Variants in UTS2 observed in about 807,000 individuals in gnomAD.
The protein encoded by UTS2 is urotensin 2.
In UTS2, 10 loss-of-function variants were observed where a neutral mutation model predicts 12.6. The observed-to-expected ratio is 0.80, with a 90% CI of 0.49 to 1.35. The LOEUF is 1.35. Among genes scored for constraint, UTS2 ranks in the 40% most tolerant of loss-of-function variants. The pLI, the probability that UTS2 is intolerant of heterozygous loss-of-function variation, is 0.00. For synonymous variants in UTS2, 52 were observed against 50.0 expected (o/e 1.04, Z -0.17); for missense variants, 142 against 143.2 (o/e 0.99, Z 0.04).
chr1:7,887,148 G>T, the UTS2 span, among the ~76,000 whole-genome samples: 1 of 151,138 alleles, frequency 6.6e-6, no homozygotes, highest in South Asian at 2.1e-4. Context: ...CTACCAAGTG[G>T]CATGTGGGGG....
At chr1:7,885,770 G>A in the UTS2 span, among the ~76,000 whole-genome samples, 28 of 151,976 alleles carry the variant, frequency 1.8e-4, no homozygotes, top group Non-Finnish European at 4.0e-4. Context: ...AGAGGGCGTG[G>A]TCAAGTCTGG....
the UTS2 span, among the ~76,000 whole-genome samples, chr1:7,887,595 A>C: frequency 1.2e-5 from 1 of 86,204 alleles, no homozygotes; most frequent in African/African-American, 4.5e-5. Context: ...GTCTCTACAA[A>C]AAAAAAAAAA....
chr1:7,860,078 C>T, the UTS2 span, among the ~76,000 whole-genome samples: 1 of 152,144 alleles, frequency 6.6e-6, no homozygotes, highest in African/African-American at 2.4e-5. Flanking sequence ...GTTATTCTCT[C>T]ACTCATTCAA....
the UTS2 span, among the ~76,000 whole-genome samples, chr1:7,908,045 A>T: frequency 6.6e-6 from 1 of 151,436 alleles, no homozygotes; most frequent in African/African-American, 2.4e-5. Flanking sequence ...TCATGCTGTA[A>T]TCCCAGCATT....
chr1:7,900,961 C>G, the UTS2 span, among the ~76,000 whole-genome samples: 1 of 152,158 alleles, frequency 6.6e-6, no homozygotes, highest in African/African-American at 2.4e-5. Context: ...TTTAAGAGAA[C>G]TTACCTGGAA....
At chr1:7,850,294 C>T (rs1304625855) in intron 2 of UTS2, among the ~76,000 whole-genome samples, 1 of 152,088 alleles carries the variant, frequency 6.6e-6, no homozygotes, top group African/African-American at 2.4e-5. Flanking sequence ...GTTTCCAGAA[C>T]TTCCTGAGCA....
At chr1:7,906,449 G>GAGAAAGAGAGAAAGAAAGAA in the UTS2 span, among the ~76,000 whole-genome samples, 3 of 73,226 alleles carry the variant, frequency 4.1e-5, no homozygotes, top group East Asian at 1.2e-3. Context: ...GAAAGAAAAA[G>GAGAAAGAGAGAAAGAAAGAA]AGAAAGAAAG....
chr1:7,876,952 A>G, the UTS2 span, among the ~76,000 whole-genome samples: 1 of 151,872 alleles, frequency 6.6e-6, no homozygotes, highest in Non-Finnish European at 1.5e-5. Context: ...CAACATGGTG[A>G]AACTCTGTCT....
chr1:7,887,518 G>A, the UTS2 span, among the ~76,000 whole-genome samples: 894 of 150,296 alleles, frequency 5.9e-3, 12 homozygotes, highest in African/African-American at 0.021. Flanking sequence ...CTAGCCTTTC[G>A]GAGGCTGAGG....
the UTS2 span, among the ~76,000 whole-genome samples, chr1:7,863,205 G>A: frequency 7.9e-5 from 12 of 151,750 alleles, no homozygotes; most frequent in Admixed American, 4.0e-4. Flanking sequence ...TCCGCCTCCC[G>A]GGTTCAAGTG....
At chr1:7,850,276 T>C (rs1378443615) in intron 2 of UTS2, among the ~76,000 whole-genome samples, 2 of 152,180 alleles carry the variant, frequency 1.3e-5, no homozygotes, top group East Asian at 1.9e-4. Flanking sequence ...AGCAAAAGGC[T>C]CAATTTTGTT....
the UTS2 span, among the ~76,000 whole-genome samples, chr1:7,884,359 C>T: frequency 6.8e-6 from 1 of 147,460 alleles, no homozygotes; most frequent in African/African-American, 2.5e-5. Flanking sequence ...TGGAGTGCAG[C>T]GGTGTGATCA....
chr1:7,911,251 T>C, the UTS2 span, among the ~76,000 whole-genome samples: 6 of 152,154 alleles, frequency 3.9e-5, no homozygotes, highest in African/African-American at 7.2e-5. Context: ...GTGATCATAA[T>C]TGCACTGAAT....
intron 3 of UTS2, 30 bp downstream of exon 3, chr1:7,849,610 T>C: frequency 6.3e-7 from 1 of 1,586,810 alleles, no homozygotes; most frequent in Non-Finnish European, 8.6e-7. Context: ...TTCACCTTTT[T>C]AAACCTAACT....
At chr1:7,884,476 AT>A in the UTS2 span, among the ~76,000 whole-genome samples, 3 of 150,130 alleles carry the variant, frequency 2.0e-5, no homozygotes, top group East Asian at 2.0e-4. Context: ...TAATTTTTGC[AT>A]TTTTTTTTAA....
chr1:7,899,267 G>A, the UTS2 span, among the ~76,000 whole-genome samples: 4 of 152,240 alleles, frequency 2.6e-5, no homozygotes, highest in South Asian at 8.3e-4. Context: ...TCAGAGAGCA[G>A]TCAAGGCAAT....
At chr1:7,904,643 G>A in the UTS2 span, among the ~76,000 whole-genome samples, 900 of 152,248 alleles carry the variant, frequency 5.9e-3, 5 homozygotes, top group Non-Finnish European at 0.01. Flanking sequence ...AGTGGCTCAC[G>A]CCTATAATCC....
chr1:7,910,756 T>C, the UTS2 span, among the ~76,000 whole-genome samples: 2 of 152,152 alleles, frequency 1.3e-5, no homozygotes, highest in East Asian at 3.9e-4. Flanking sequence ...AGACAGGGAC[T>C]TGCTCTGTCT....
chr1:7,906,662 A>G, the UTS2 span, among the ~76,000 whole-genome samples: 1 of 152,112 alleles, frequency 6.6e-6, no homozygotes, highest in Non-Finnish European at 1.5e-5. Context: ...CTATAGAGAG[A>G]TATCAGCACC....
Sources: allele counts gnomAD v4.1 joint callset (sites outside exome capture counted in the v4.1 genomes callset), GRCh38; gene constraint gnomAD v4.1.1; transcripts MANE v1.5; gene names NCBI Gene and HGNC (gene_info 2026-07-23, HGNC 2026-07-21).